ARSG: variants seen among roughly 807,000 people sequenced by gnomAD.
ARSG encodes arylsulfatase G.
Under a neutral mutation model 50.5 loss-of-function variants are expected in ARSG, and 37 were observed. The observed-to-expected ratio is 0.73, with a 90% CI of 0.56 to 0.96. The LOEUF is 0.96. Ranked by LOEUF, ARSG falls within the 50% of genes least tolerant of loss-of-function variation. The pLI is 0.00. For synonymous variants in ARSG, 225 were observed against 254.6 expected (o/e 0.88, Z 1.11); for missense variants, 629 against 675.3 (o/e 0.93, Z 0.76).
At chr17:68,375,808 C>G (rs1219581110) in intron 8 of ARSG, among the ~76,000 whole-genome samples, 1 of 152,084 alleles carries the variant, frequency 6.6e-6, no homozygotes, top group African/African-American at 2.4e-5. Context: ...GCCCCTGTGT[C>G]TGTGAGTCTG....
At chr17:68,444,533 C>T in the ARSG span, 3 of 1,613,992 alleles carry the variant, frequency 1.9e-6, no homozygotes, top group African/African-American at 4.0e-5. Flanking sequence ...TCTTCAACAG[C>T]TTCATGTCTT....
In ARSG at chr17:68,307,694, G is replaced by A. The variant is rs1555764935; in HGVS notation, c.201G>A (p.Met67Ile). The A allele has an allele frequency of 6.3e-7, 1 of 1,582,900 alleles. No individual in the cohort carries two copies. Among genetic ancestry groups the A allele is most frequent in the South Asian group, 1.1e-5 (1 of 90,450 alleles). ...AGGACACTGCCAACCTTGATAAGAT[G>A]GCTTCGGAGGGAATGAGGTGAGTCT... ...ETKDTANLDK[M>I]ASEGMRFVDF... Residue 67 changes from methionine to isoleucine, a missense_variant, in exon 2 of 12, where the codon ATG (methionine) becomes ATA (isoleucine). By Grantham distance (10) the Met-to-Ile change is conservative (BLOSUM62 1). Coordinates refer to ENST00000621439, the MANE Select transcript of ARSG (RefSeq NM_001267727.2).
intron 2 of ARSG, among the ~76,000 whole-genome samples, chr17:68,338,077 C>T (rs1225052780): frequency 2.0e-5 from 3 of 152,174 alleles, no homozygotes; most frequent in Non-Finnish European, 1.5e-5. Flanking sequence ...CCTTGAAAAA[C>T]TGGCTTCCCT....
chr17:68,402,321 T>G (rs533679794), intron 11 of ARSG, among the ~76,000 whole-genome samples: 7 of 152,076 alleles, frequency 4.6e-5, no homozygotes, highest in Non-Finnish European at 8.8e-5. Flanking sequence ...CTTGGCTCAC[T>G]GCAACCTCCG....
upstream of ARSG, among the ~76,000 whole-genome samples, chr17:68,287,573 C>A (rs1237253979): frequency 6.6e-6 from 1 of 152,096 alleles, no homozygotes; most frequent in Non-Finnish European, 1.5e-5. Context: ...CTAGCTAGAG[C>A]CACATATAAC....
the ARSG span, among the ~76,000 whole-genome samples, chr17:68,449,701 C>T: frequency 6.6e-6 from 1 of 152,202 alleles, no homozygotes; most frequent in Admixed American, 6.6e-5. Flanking sequence ...GCTCCCTGAG[C>T]CCTCCCCAGA....
intron 10 of ARSG, 131 bp from the exon 11 acceptor site, chr17:68,401,228 GC>G (rs2081456492): frequency 1.3e-6 from 1 of 746,758 alleles, no homozygotes; most frequent in African/African-American, 1.7e-5. Flanking sequence ...TTGCTGTGTT[GC>G]CCAGGCTGGT....
At chr17:68,276,128 C>T (rs2075510644) in intron 1 of ARSG, among the ~76,000 whole-genome samples, 1 of 151,794 alleles carries the variant, frequency 6.6e-6, no homozygotes, top group Non-Finnish European at 1.5e-5. Flanking sequence ...GAGTCTTGCT[C>T]TGTCTCCCAG....
intron 1 of ARSG, among the ~76,000 whole-genome samples, chr17:68,286,334 G>A (rs2075841322): frequency 6.6e-6 from 1 of 152,148 alleles, no homozygotes; most frequent in Non-Finnish European, 1.5e-5. Context: ...TGTTAAAGCT[G>A]AAGGGGAAAA....
At chr17:68,426,123 C>A (rs764560117), downstream of ARSG, 2 of 1,612,554 alleles carry the variant, frequency 1.2e-6, no homozygotes, top group Admixed American at 1.7e-5. Flanking sequence ...CCGTCGCAAA[C>A]TCATGTTCAG....
intron 11 of ARSG, among the ~76,000 whole-genome samples, chr17:68,403,465 T>A (rs917038479): frequency 9.9e-5 from 15 of 152,240 alleles, no homozygotes; most frequent in Non-Finnish European, 2.1e-4. Context: ...AAACTGGGAA[T>A]AGGATGAAAC....
rs949442734 is a variant in ARSG at position 68,272,865 on chromosome 17, A to G, written c.-552+13439A>G. ...CTGGGATTTTTGGTTTTGCTTTTTG[A>G]ATCTTAAGTTCTAGGAGCCAAGTAA... On this transcript the variant is annotated intron_variant, in intron 1 of 11. Transcript: ENST00000448504. The G allele has an allele frequency of 2.2e-5, 33 of 1,472,004 alleles. 1 individual carries two copies. The Admixed American group carries it at 2.7e-4, about 12-fold the overall frequency. The allele number at this position is 1,472,004 out of a possible 1,614,324, so 91.2% of individuals were successfully genotyped here.
rs1310297166 is a variant in ARSG at position 68,414,056 on chromosome 17, T to C, written c.1304-6133T>C. ...ATGAACCCGGTACCTCAGATGGAAA[T>C]GCAGAAATCACCCGTCTTCTGCGTC... On this transcript the variant is annotated intron_variant, in intron 11 of 11. Transcript: ENST00000621439. 3.2e-5 allele frequency: 5 copies of C among 157,344 alleles called. No individual in the cohort carries two copies. The East Asian group carries it at 9.5e-4, about 30-fold the overall frequency. 9.7% of individuals were successfully genotyped at this position (157,344 alleles called of 1,614,324 possible).
At chr17:68,379,146 A>C (rs1441017664) in intron 8 of ARSG, among the ~76,000 whole-genome samples, 1 of 152,186 alleles carries the variant, frequency 6.6e-6, no homozygotes, top group Non-Finnish European at 1.5e-5. Context: ...CCTGGGTCTG[A>C]ATAGAGGCCA....
intron 1 of ARSG, among the ~76,000 whole-genome samples, chr17:68,302,459 G>A (rs1044790666): frequency 3.9e-5 from 6 of 152,196 alleles, no homozygotes; most frequent in African/African-American, 7.2e-5. Context: ...CATGGGAAAC[G>A]AGGGTCAGGT....
At chr17:68,422,057 A>G (rs2082820151), downstream of ARSG, 2 of 532,902 alleles carry the variant, frequency 3.8e-6, no homozygotes, top group East Asian at 6.3e-5. Context: ...GTGTGTGTGT[A>G]TGTATTTATA....
chr17:68,328,206 A>G (rs1599737918), intron 2 of ARSG, among the ~76,000 whole-genome samples: 1 of 152,178 alleles, frequency 6.6e-6, no homozygotes, highest in African/African-American at 2.4e-5. Context: ...CACACACTGA[A>G]ATGTTCTCTT....
At chr17:68,293,036 T>C (rs1297863869) in intron 1 of ARSG, among the ~76,000 whole-genome samples, 1 of 152,228 alleles carries the variant, frequency 6.6e-6, no homozygotes, top group Non-Finnish European at 1.5e-5. Flanking sequence ...CTCTTGCTGC[T>C]GTTACGATTT....
chr17:68,274,204 G>T, intron 1 of ARSG: 1 of 905,896 alleles, frequency 1.1e-6, no homozygotes, highest in Non-Finnish European at 1.6e-6. Context: ...AGTGGCTCAT[G>T]CCTGTAATCC....
Sources: allele counts gnomAD v4.1 joint callset (sites outside exome capture counted in the v4.1 genomes callset), GRCh38; gene constraint gnomAD v4.1.1; transcripts MANE v1.5; gene names NCBI Gene and HGNC (gene_info 2026-07-23, HGNC 2026-07-21).